The following MCCC2 variants were observed in gnomAD, a reference collection of about 807,000 sequenced individuals.
MCCC2 encodes the protein methylcrotonoyl-CoA carboxylase beta chain, mitochondrial.
A neutral mutation model predicts 77.2 loss-of-function variants in MCCC2; 52 were observed. That is an observed-to-expected ratio of 0.67 (90% CI 0.54 to 0.85). The LOEUF is 0.85. MCCC2 is among the 40% of genes least tolerant of loss of function. MCCC2 has a pLI of 0.00. For synonymous variants in MCCC2, 253 were observed against 248.4 expected, an observed-to-expected ratio of 1.02 and a Z score of -0.18; for missense variants, 682 against 703.2, an observed-to-expected ratio of 0.97 and a Z score of 0.34.
intron 3 of MCCC2, among the ~76,000 whole-genome samples, chr5:71,598,102 C>T (rs1745263836): frequency 7.1e-6 from 1 of 140,802 alleles, no homozygotes; most frequent in Admixed American, 7.6e-5. Flanking sequence ...GAGACGGAGT[C>T]TCACTCTGTC....
At chr5:71,649,048 G>A (rs143245525) in intron 13 of MCCC2, 49 bp from the exon 14 acceptor site, 10 of 1,603,130 alleles carry the variant, frequency 6.2e-6, no homozygotes, top group African/African-American at 2.7e-5. Context: ...ATTGCGTTCC[G>A]CATATTAATC....
At chr5:71,622,531 T>C (rs950951714) in intron 6 of MCCC2, among the ~76,000 whole-genome samples, 1 of 152,174 alleles carries the variant, frequency 6.6e-6, no homozygotes, top group Non-Finnish European at 1.5e-5. Context: ...AATGAATCAA[T>C]TTTAGAATAT....
chr5:71,600,634 A>C (rs1745390345), intron 4 of MCCC2, among the ~76,000 whole-genome samples: 2 of 152,164 alleles, frequency 1.3e-5, no homozygotes, highest in Admixed American at 1.3e-4. Flanking sequence ...AAATTGTTGA[A>C]TGGTTTATAT....
At chr5:71,623,998 T>G (rs1207373404) in intron 6 of MCCC2, among the ~76,000 whole-genome samples, 2 of 152,250 alleles carry the variant, frequency 1.3e-5, no homozygotes, top group Non-Finnish European at 2.9e-5. Flanking sequence ...CATAGACTAC[T>G]GGGTGTCTTA....
intron 1 of MCCC2, among the ~76,000 whole-genome samples, chr5:71,588,589 T>C (rs1744851345): frequency 6.6e-6 from 1 of 152,194 alleles, no homozygotes; most frequent in Non-Finnish European, 1.5e-5. Flanking sequence ...GTAGGGAAGA[T>C]GGACAAGAAA....
At chr5:71,601,870 A>T (rs1055454331) in intron 4 of MCCC2, among the ~76,000 whole-genome samples, 1 of 152,152 alleles carries the variant, frequency 6.6e-6, no homozygotes, top group Admixed American at 6.5e-5. Flanking sequence ...CTCATACCCA[A>T]TAAACTGGTT....
chr5:71,614,378 C>G (rs556072976), intron 6 of MCCC2, among the ~76,000 whole-genome samples: 20 of 152,262 alleles, frequency 1.3e-4, no homozygotes, highest in Non-Finnish European at 2.6e-4. Context: ...CGGTGGTCCA[C>G]ACCTCTAATC....
intron 10 of MCCC2, chr5:71,636,106 A>G (rs1032932104): frequency 3.8e-5 from 16 of 417,472 alleles, no homozygotes; most frequent in Non-Finnish European, 6.2e-5. Context: ...GTCTTTAGAA[A>G]TTCTTCATGA....
At chr5:71,634,639 G>C (rs1746853804) in intron 8 of MCCC2, among the ~76,000 whole-genome samples, 1 of 152,250 alleles carries the variant, frequency 6.6e-6, no homozygotes, top group Non-Finnish European at 1.5e-5. Context: ...TGGTCTAGCA[G>C]AGGAAGGTTA....
At chr5:71,604,633 A>G (rs1467905277) in intron 6 of MCCC2, among the ~76,000 whole-genome samples, 165 bp downstream of exon 6, 1 of 151,144 alleles carries the variant, frequency 6.6e-6, no homozygotes, top group Non-Finnish European at 1.5e-5. Flanking sequence ...CACATTGTGC[A>G]GGTTAGTTAC....
intron 6 of MCCC2, among the ~76,000 whole-genome samples, chr5:71,615,598 A>C (rs1052054918): frequency 6.6e-6 from 1 of 152,110 alleles, no homozygotes; most frequent in Non-Finnish European, 1.5e-5. Flanking sequence ...CCTTAGTATG[A>C]AATAATAAGA....
chr5:71,602,676 A>G (rs1745489580), intron 5 of MCCC2, 43 bp downstream of exon 5: 1 of 1,614,012 alleles, frequency 6.2e-7, no homozygotes, highest in Non-Finnish European at 8.5e-7. Flanking sequence ...TTAGCTGGTA[A>G]AATGCAAGAT....
chr5:71,633,129 A>ATTTTT (rs1215619050), intron 8 of MCCC2, among the ~76,000 whole-genome samples: 4 of 81,968 alleles, frequency 4.9e-5, no homozygotes, highest in Admixed American at 1.6e-4. Context: ...ATATATATAT[A>ATTTTT]TATTTTTATT....
chr5:71,653,198 TG>T (rs1747487047), intron 16 of MCCC2, among the ~76,000 whole-genome samples: 1 of 152,252 alleles, frequency 6.6e-6, no homozygotes, highest in Non-Finnish European at 1.5e-5. Flanking sequence ...TACTGGCATT[TG>T]TTGACAAGTA....
chr5:71,635,139 A>T lies in MCCC2; in HGVS notation c.904-12A>T, dbSNP rs277984. 6.2e-7 allele frequency: 1 copy of T among 1,613,774 alleles called. No homozygotes were observed. Among genetic ancestry groups the T allele is most frequent in the Non-Finnish European group, 8.5e-7 (1 of 1,179,788 alleles). On this transcript the variant is annotated splice_polypyrimidine_tract_variant and intron_variant, in intron 9 of 16. Coordinates refer to ENST00000340941, the MANE Select transcript of MCCC2 (RefSeq NM_022132.5). ...GTCTTTAAACAGGTTAACATGATCT[A>T]TATTTCTGCAGGTCACCATTGAACC...
chr5:71,642,879 T>C (rs1360779929), intron 11 of MCCC2, among the ~76,000 whole-genome samples: 1 of 152,106 alleles, frequency 6.6e-6, no homozygotes, highest in African/African-American at 2.4e-5. Context: ...TACTGGGGCC[T>C]ATAGTCCCAG....
chr5:71,633,707 C>T (rs1309052732), intron 8 of MCCC2, among the ~76,000 whole-genome samples: 1 of 151,988 alleles, frequency 6.6e-6, no homozygotes, highest in African/African-American at 2.4e-5. Context: ...TCCTTTCCTG[C>T]TGTTTTGGTA....
intron 16 of MCCC2, among the ~76,000 whole-genome samples, chr5:71,655,251 A>G (rs1561850269): frequency 2.6e-5 from 4 of 152,172 alleles, no homozygotes; most frequent in Admixed American, 2.6e-4. Flanking sequence ...GGGTTTAGTA[A>G]ATCTCAGCTT....
chr5:71,591,663 C>A (rs1580267328), intron 1 of MCCC2, among the ~76,000 whole-genome samples: 1 of 152,178 alleles, frequency 6.6e-6, no homozygotes, highest in South Asian at 2.1e-4. Context: ...TCTCGAACTC[C>A]CGACCGTAGG....
Sources: gnomAD v4.1 joint callset for allele counts (sites outside exome capture counted in the v4.1 genomes callset) on GRCh38, gnomAD v4.1.1 for gene constraint, MANE v1.5 for transcripts, NCBI Gene and HGNC (gene_info 2026-07-23, HGNC 2026-07-21) for gene names.